The following PTPRG variants were observed in gnomAD, a reference collection of about 807,000 sequenced individuals.
PTPRG encodes the protein protein tyrosine phosphatase receptor type G, also known as receptor-type tyrosine-protein phosphatase gamma.
Under a neutral mutation model 165.3 loss-of-function variants are expected in PTPRG, and 102 were observed. The observed-to-expected ratio is 0.62, with a 90% CI of 0.53 to 0.73. PTPRG has a LOEUF of 0.73. Among genes scored for constraint, PTPRG ranks in the 30% least tolerant of loss-of-function variants. The pLI is 0.00. For missense variants in PTPRG, 1,866 were observed against 1,861.4 expected (o/e 1.00, Z -0.05); for synonymous variants, 675 against 669.5 (o/e 1.01, Z -0.13).
intron 2 of PTPRG, among the ~76,000 whole-genome samples, chr3:61,925,013 C>G (rs1451016747): frequency 1.3e-5 from 2 of 152,136 alleles, no homozygotes; most frequent in Admixed American, 6.5e-5. Flanking sequence ...TTGTAAGAAC[C>G]CCACAGAACA....
chr3:62,157,031 C>G (rs368122243), intron 6 of PTPRG, 36 bp from the exon 7 acceptor site: 28 of 1,550,606 alleles, frequency 1.8e-5, no homozygotes, highest in Non-Finnish European at 2.3e-5. Flanking sequence ...GCATGACTTA[C>G]CATTGTGCTT....
At chr3:62,044,368 G>A (rs951461545) in intron 4 of PTPRG, among the ~76,000 whole-genome samples, 10 of 152,156 alleles carry the variant, frequency 6.6e-5, no homozygotes, top group East Asian at 1.9e-4. Flanking sequence ...GTGAAACCCC[G>A]TCTCTACTAA....
Position 61,898,378 on chromosome 3 carries a change from A to G in PTPRG, c.191-91247A>G, listed in dbSNP as rs2886675. On this transcript the variant is annotated intron_variant, in intron 2 of 29. Transcript: ENST00000474889. The stretch of plus-strand genomic sequence containing the variant: ...CTGTATACATCTTTTTAAACATTGC[A>G]CAGAGGTGCTCCGGCCTCATTGTTT... 2.3e-3 allele frequency among the ~76,000 whole-genome samples: 348 copies of G among 152,146 alleles called. 15 individuals carry two copies. In the East Asian group the frequency reaches 0.061, roughly 27 times the overall value.
At chr3:62,179,797 C>G (rs925777423) in intron 8 of PTPRG, among the ~76,000 whole-genome samples, 3 of 152,172 alleles carry the variant, frequency 2.0e-5, no homozygotes, top group African/African-American at 7.2e-5. Flanking sequence ...GTGGGAGGCC[C>G]TGAAACCATA....
intron 4 of PTPRG, among the ~76,000 whole-genome samples, chr3:62,008,468 G>A (rs1264148784): frequency 6.6e-6 from 1 of 152,200 alleles, no homozygotes; most frequent in Admixed American, 6.5e-5. Flanking sequence ...TCTGTTCAGA[G>A]CATTTTAGTG....
At chr3:61,908,223 C>T (rs1575773420) in intron 2 of PTPRG, among the ~76,000 whole-genome samples, 1 of 148,454 alleles carries the variant, frequency 6.7e-6, no homozygotes, top group East Asian at 2.0e-4. Flanking sequence ...GTCAGGAGTT[C>T]GAGACCAGCC....
At chr3:61,816,765 G>A (rs1378867884) in intron 2 of PTPRG, among the ~76,000 whole-genome samples, 1 of 151,658 alleles carries the variant, frequency 6.6e-6, no homozygotes, top group Non-Finnish European at 1.5e-5. Context: ...GTTTGGTTGA[G>A]TATGATTGTG....
At chr3:61,618,007 A>T (rs962019238) in intron 1 of PTPRG, among the ~76,000 whole-genome samples, 11 of 152,372 alleles carry the variant, frequency 7.2e-5, no homozygotes, top group South Asian at 2.1e-4. Flanking sequence ...GGTACACTAT[A>T]TAACTAATTA....
At chr3:62,263,794 C>T (rs1466175631) in intron 17 of PTPRG, 1 of 152,252 alleles carries the variant, frequency 6.6e-6, no homozygotes, top group East Asian at 1.9e-4. Flanking sequence ...AGGTGGATCA[C>T]TTGAGGCCAT....
At chr3:61,649,072 A>G (rs1269234017) in intron 1 of PTPRG, among the ~76,000 whole-genome samples, 1 of 152,124 alleles carries the variant, frequency 6.6e-6, no homozygotes, top group Non-Finnish European at 1.5e-5. Flanking sequence ...TTTGTTTTTC[A>G]TTGTTACACG....
At chr3:62,283,660 A>G (rs749422291) in intron 28 of PTPRG, among the ~76,000 whole-genome samples, 3 of 152,106 alleles carry the variant, frequency 2.0e-5, no homozygotes, top group Non-Finnish European at 4.4e-5. Flanking sequence ...TATGTTCATT[A>G]AATTACCAAC....
chr3:62,128,565 G>A (rs975951458), intron 5 of PTPRG, among the ~76,000 whole-genome samples: 7 of 151,448 alleles, frequency 4.6e-5, no homozygotes, highest in Non-Finnish European at 1.0e-4. Context: ...TCCTTTATTG[G>A]ATGTGGCATT....
At chr3:62,125,335 A>T (rs537044926) in intron 5 of PTPRG, among the ~76,000 whole-genome samples, 1 of 152,272 alleles carries the variant, frequency 6.6e-6, no homozygotes, top group East Asian at 1.9e-4. Context: ...TGCATGCATG[A>T]TGGGAATTTA....
At chr3:62,192,226 T>TA (rs571715692) in intron 9 of PTPRG, among the ~76,000 whole-genome samples, 33 of 152,096 alleles carry the variant, frequency 2.2e-4, no homozygotes, top group Admixed American at 1.2e-3. Flanking sequence ...TTTTCTCAGA[T>TA]ACTCAAATGC....
At chr3:62,119,065 C>G (rs1252725849) in intron 5 of PTPRG, among the ~76,000 whole-genome samples, 1 of 152,216 alleles carries the variant, frequency 6.6e-6, no homozygotes, top group African/African-American at 2.4e-5. Context: ...AAATAAAGTG[C>G]AAGCCCTGCC....
chr3:61,610,304 T>C (rs1245592861), intron 1 of PTPRG, among the ~76,000 whole-genome samples: 1 of 152,038 alleles, frequency 6.6e-6, no homozygotes, highest in Admixed American at 6.6e-5. Flanking sequence ...AAAATAACAG[T>C]AATAAAATCT....
intron 8 of PTPRG, among the ~76,000 whole-genome samples, chr3:62,179,634 C>G (rs980271030): frequency 6.6e-6 from 1 of 152,218 alleles, no homozygotes; most frequent in Admixed American, 6.5e-5. Flanking sequence ...ACTCAAGTGG[C>G]TCAGTCCCTG....
Position 62,295,783 on chromosome 3 carries a change from T to G in PTPRG, c.*2476T>G, listed in dbSNP as rs1703042164. ...CACACTTCAATGAGGACAGTTATAT[T>G]TAGCAGGTCCTCACCCCTGCAAGAG... On this transcript the variant is annotated 3_prime_UTR_variant, in exon 30 of 30. Coordinates refer to ENST00000474889, the MANE Select transcript of PTPRG (RefSeq NM_002841.4). 1 of 152,072 alleles carries G rather than the reference T, an allele frequency of 6.6e-6. No homozygotes were observed. Among genetic ancestry groups the G allele is most frequent in the Non-Finnish European group, 1.5e-5 (1 of 67,988 alleles). 9.4% of individuals were successfully genotyped at this position (152,072 alleles called of 1,614,324 possible). A position where few individuals can be genotyped will look rare whatever the true frequency, so the allele number is the denominator to read the frequency against.
chr3:62,036,983 G>GCA (rs10587372), intron 4 of PTPRG, among the ~76,000 whole-genome samples: 29,166 of 150,450 alleles, frequency 0.19, 2,878 homozygotes, highest in Non-Finnish European at 0.22. Flanking sequence ...GCGCGCGCAC[G>GCA]CACACACACA....
Sources: allele counts gnomAD v4.1 joint callset (sites outside exome capture counted in the v4.1 genomes callset), GRCh38; gene constraint gnomAD v4.1.1; transcripts MANE v1.5; gene names NCBI Gene and HGNC (gene_info 2026-07-23, HGNC 2026-07-21).